Variants in GOLGA2 observed in about 807,000 individuals in gnomAD.
The protein encoded by GOLGA2 is golgin A2, also known as golgin subfamily A member 2.
In GOLGA2, 49 loss-of-function variants were observed where a neutral mutation model predicts 148.8. The observed-to-expected ratio is 0.33, with a 90% CI of 0.26 to 0.42. The LOEUF is 0.42. Among genes scored for constraint, GOLGA2 ranks in the 10% least tolerant of loss-of-function variants. The probability of loss-of-function intolerance (pLI) is 1.00; values close to 1 mark genes in which losing one functional copy is unlikely to be tolerated. For missense variants in GOLGA2, 1,178 were observed against 1,304.6 expected, an observed-to-expected ratio of 0.90 and a Z score of 1.49; for synonymous variants, 501 against 511.8, an observed-to-expected ratio of 0.98 and a Z score of 0.28.
chr9:128,265,210 G>A (rs978610426), intron 12 of GOLGA2, among the ~76,000 whole-genome samples: 3 of 152,144 alleles, frequency 2.0e-5, no homozygotes, highest in African/African-American at 7.2e-5. Flanking sequence ...ATAGTACATA[G>A]GTACACATAC....
chr9:128,258,676 G>A lies in GOLGA2; in HGVS notation c.2174-106C>T, dbSNP rs1295241576. 4 of 759,900 alleles carry A rather than the reference G, an allele frequency of 5.3e-6. No individual in the cohort carries two copies. The highest frequency in any genetic ancestry group is 8.5e-6 in the Non-Finnish European group (4 of 469,470). The allele number at this position is 759,900 out of a possible 1,614,324, so 47.1% of individuals were successfully genotyped here. On this transcript the variant is annotated intron_variant, in intron 21 of 26. Transcript: ENST00000611957. The surrounding 1 kb of genome is among the most constrained non-coding windows in gnomAD (Gnocchi z 6.6). ...AACCCTGGGCCAGCCCCTCCCCAGA[G>A]GGAAATAAGCATCTGTTCTTTATTT...
rs1830914109 is a variant in GOLGA2, at chr9:128,271,082, T to C, written c.288+1703A>G. Among the ~76,000 whole-genome samples, 1 of 152,010 alleles carries C rather than the reference T, an allele frequency of 6.6e-6. No homozygotes were observed. Among genetic ancestry groups the C allele is most frequent in the Non-Finnish European group, 1.5e-5 (1 of 67,990 alleles). ...AAACAGCAAGAAGGAAATACGGGGA[T>C]CTAGGCCTTTGTTTCCAGAATAGAG... On this transcript the variant is annotated intron_variant, in intron 3 of 26. Coordinates refer to ENST00000611957, the MANE Select transcript of GOLGA2 (RefSeq NM_001366244.2). The surrounding 1 kb of genome is among the most constrained non-coding windows in gnomAD (Gnocchi z 4.4).
Position 128,257,944 on chromosome 9 carries a change from A to G in GOLGA2, c.2508+36T>C. On this transcript the variant is annotated intron_variant, in intron 23 of 26. Transcript: ENST00000611957. This position sits in a 1 kb window ranked among gnomAD's most constrained non-coding sequence, Gnocchi z 8.0. ...ATCGGCAGCGACCTGCCCCGCCCCC[A>G]CCCTTCTTGACCCATGCCAGGAGAG... 1 of 1,223,860 alleles carries G rather than the reference A, an allele frequency of 8.2e-7. No individual in the cohort carries two copies. The highest frequency in any genetic ancestry group is 2.7e-5 in the East Asian group (1 of 37,306). 75.8% of individuals were successfully genotyped at this position (1,223,860 alleles called of 1,614,324 possible). A position where few individuals can be genotyped will look rare whatever the true frequency, so the allele number is the denominator to read the frequency against.
chr9:128,261,442 G>A lies in GOLGA2; in HGVS notation c.1332+12C>T, dbSNP rs771881593. 1.9e-5 allele frequency: 28 copies of A among 1,488,766 alleles called. No individual in the cohort carries two copies. Among genetic ancestry groups the A allele is most frequent in the Non-Finnish European group, 2.6e-5 (28 of 1,065,560 alleles). 92.2% of individuals were successfully genotyped at this position (1,488,766 alleles called of 1,614,324 possible). ...TCTAAGGTTGAGGGGGAGCTGAAGG[G>A]TCAGGTCTCACCTGCTCTGACATCT... On this transcript the variant is annotated intron_variant, in intron 16 of 26. Coordinates refer to ENST00000611957, the MANE Select transcript of GOLGA2 (RefSeq NM_001366244.2). The surrounding 1 kb of genome is among the most constrained non-coding windows in gnomAD (Gnocchi z 5.7).
chr9:128,259,294 G>C lies in GOLGA2; in HGVS notation c.1970C>G (p.Thr657Ser). 6.2e-7 allele frequency: 1 copy of C among 1,611,738 alleles called. No homozygotes were observed. Residue 657 changes from threonine to serine, a missense_variant, in exon 20 of 27, where the codon ACC (threonine) becomes AGC (serine). Transcript: ENST00000611957. ...QQYVAAYQQL[T>S]SEKEVLHNQL... Reference sequence around the variant, plus strand: ...ATTATGCAGCACCTCCTTCTCAGAGGTCAGCTGCTGATAGGCGGCCACATA... The same window carrying C: ...ATTATGCAGCACCTCCTTCTCAGAGCTCAGCTGCTGATAGGCGGCCACATA...
intron 1 of GOLGA2, 137 bp from the exon 2 acceptor site, chr9:128,274,109 A>G (rs1020943393): frequency 1.2e-6 from 1 of 816,390 alleles, no homozygotes; most frequent in Non-Finnish European, 2.0e-6. Context: ...TCTTGTCACA[A>G]TCACTTAGTG....
rs1830019848 is a variant in GOLGA2, at chr9:128,258,159, C to T, written c.2329G>A (p.Glu777Lys). 3.1e-6 allele frequency: 5 copies of T among 1,605,152 alleles called. No homozygotes were observed. Among genetic ancestry groups the T allele is most frequent in the Non-Finnish European group, 4.2e-6 (5 of 1,177,924 alleles). Residue 777 changes from glutamate to lysine, a missense_variant, in exon 23 of 27, where the codon GAG becomes AAG. Physicochemically the swap from Glu to Lys is moderately conservative, Grantham distance 56 (BLOSUM62 1). Coordinates refer to ENST00000611957, the MANE Select transcript of GOLGA2 (RefSeq NM_001366244.2). This position sits in a 1 kb window ranked among gnomAD's most constrained non-coding sequence, Gnocchi z 6.6. ...AGCTGCCCACGTAGCCTTGCCTGCT[C>T]CTCCTCGGCACTGGCTACAGCTGAG... ...FNSAVASAEEEQARLRGQLKE... is the reference protein window; with the variant it reads ...FNSAVASAEEKQARLRGQLKE...
intron 1 of GOLGA2, 94 bp downstream of exon 1, chr9:128,275,799 G>A: frequency 2.9e-6 from 2 of 690,260 alleles, no homozygotes; most frequent in Non-Finnish European, 4.8e-6. Flanking sequence ...GCCCAGCCCG[G>A]TGTGCCTCAG....
chr9:128,262,947 A>G (rs1830361761), intron 13 of GOLGA2, 87 bp downstream of exon 13: 3 of 956,094 alleles, frequency 3.1e-6, no homozygotes, highest in South Asian at 2.6e-5. Flanking sequence ...TGACTACCTC[A>G]TCATGCTTAC....
Position 128,258,299 on chromosome 9 carries a change from T to G in GOLGA2, c.2290-101A>C, listed in dbSNP as rs1830031658. 2.6e-6 allele frequency: 3 copies of G among 1,144,150 alleles called. No homozygotes were observed. Among genetic ancestry groups the G allele is most frequent in the Non-Finnish European group, 3.8e-6 (3 of 783,918 alleles). The allele number at this position is 1,144,150 out of a possible 1,614,324, so 70.9% of individuals were successfully genotyped here. A position where few individuals can be genotyped will look rare whatever the true frequency, so the allele number is the denominator to read the frequency against. On this transcript the variant is annotated intron_variant, in intron 22 of 26. Coordinates refer to ENST00000611957, the MANE Select transcript of GOLGA2 (RefSeq NM_001366244.2). The surrounding 1 kb of genome is among the most constrained non-coding windows in gnomAD (Gnocchi z 6.6). ...CCCTTGGGGCCTCAGAGGGTGCACT[T>G]GTTGGTCCCAAGTGAAATGGTGTCT... is the stretch of plus-strand genomic sequence containing the variant.
chr9:128,270,818 G>A (rs934471178), intron 3 of GOLGA2, among the ~76,000 whole-genome samples: 1 of 152,174 alleles, frequency 6.6e-6, no homozygotes, highest in African/African-American at 2.4e-5. Context: ...GGCCAAGGCA[G>A]GTGAATCACT....
rs1213224754 is a variant in GOLGA2, at chr9:128,265,622, A to G, written c.896T>C (p.Leu299Pro). The G allele has an allele frequency of 1.9e-6, 3 of 1,613,642 alleles. No homozygotes were observed. Among genetic ancestry groups the G allele is most frequent in the Non-Finnish European group, 2.5e-6 (3 of 1,179,932 alleles). Residue 299 changes from leucine to proline, a missense_variant, in exon 12 of 27, where the codon CTC (leucine) becomes CCC (proline). By Grantham distance (98) the Leu-to-Pro change is moderately conservative. Coordinates refer to ENST00000611957, the MANE Select transcript of GOLGA2 (RefSeq NM_001366244.2). ...CTTCTGCTGCGTGGAGACAGCAGAG[A>G]GAGCCCGCTCCAACTCTCCCACACG... ...RRRVGELERA[L>P]SAVSTQQKKA...
chr9:128,271,239 C>A lies in GOLGA2; in HGVS notation c.288+1546G>T, dbSNP rs73672483. The stretch of plus-strand genomic sequence containing the variant: ...CACCTCTAAGCCTGTGCTCCCCAGC[C>A]GTACCACTCAGCGTCTCCTCTGAGC... On this transcript the variant is annotated intron_variant, in intron 3 of 26. Transcript: ENST00000611957. The surrounding 1 kb of genome is among the most constrained non-coding windows in gnomAD (Gnocchi z 4.4). 0.028 allele frequency among the ~76,000 whole-genome samples: 4,336 copies of A among 152,206 alleles called. 168 individuals carry two copies. Among genetic ancestry groups the A allele is most frequent in the African/African-American group, 0.099 (4,128 of 41,496 alleles).
chr9:128,268,662 G>T (rs1302090715), intron 3 of GOLGA2, 138 bp from the exon 4 acceptor site: 5 of 613,160 alleles, frequency 8.2e-6, no homozygotes, highest in Non-Finnish European at 1.5e-5. Flanking sequence ...AGCCACTCAG[G>T]GGTGTGGATT....
chr9:128,261,735 G>A lies in GOLGA2; in HGVS notation c.1157C>T (p.Pro386Leu), dbSNP rs747432829. ...LQQFSSRCEA[P>L]DANQQLQQAM... ...CTGCTGTAACTGCTGGTTAGCATCA[G>A]GGGCTTCACACCGGCTTGAAAACTG... The change falls in exon 15 of 27, where the codon CCT becomes CTT. Residue 386 changes from proline (P) to leucine (L), a missense_variant. Transcript: ENST00000611957. The surrounding 1 kb of genome is among the most constrained non-coding windows in gnomAD (Gnocchi z 5.7). 1.9e-6 allele frequency: 3 copies of A among 1,612,846 alleles called. No homozygotes were observed. The highest frequency in any genetic ancestry group is 2.5e-6 in the Non-Finnish European group (3 of 1,178,818).
intron 4 of GOLGA2, 104 bp downstream of exon 4, chr9:128,268,316 C>G (rs1002645666): frequency 2.8e-5 from 28 of 1,015,468 alleles, no homozygotes; most frequent in Non-Finnish European, 4.4e-5. Context: ...GGCCCGGTCC[C>G]CAGGAAGGGC....
At position 128,258,224 on chromosome 9, in the gene GOLGA2, G is replaced by C. The variant is rs1329109219; in HGVS notation, c.2290-26C>G. The C allele has an allele frequency of 6.6e-7, 1 of 1,525,048 alleles. No homozygotes were observed. Among genetic ancestry groups the C allele is most frequent in the East Asian group, 2.4e-5 (1 of 42,482 alleles). 94.5% of individuals were successfully genotyped at this position (1,525,048 alleles called of 1,614,324 possible). On this transcript the variant is annotated intron_variant, in intron 22 of 26. Coordinates refer to ENST00000611957, the MANE Select transcript of GOLGA2 (RefSeq NM_001366244.2). The surrounding 1 kb of genome is among the most constrained non-coding windows in gnomAD (Gnocchi z 6.6). The stretch of plus-strand genomic sequence containing the variant: ...CTGCAGGCAAGAGGGGTGCATTCTT[G>C]TAGGAGGATATATAGGATGAACAGG...
At position 128,260,505 on chromosome 9, in the gene GOLGA2, T is replaced by C. The variant is rs139758508; in HGVS notation, c.1718A>G (p.Lys573Arg). 3.2e-4 allele frequency: 513 copies of C among 1,612,850 alleles called. 3 individuals are homozygous for C. Among genetic ancestry groups the C allele is most frequent in the Non-Finnish European group, 5.9e-5 (70 of 1,179,500 alleles). ...SRALSQNREL[K>R]EQLAELQSGF... is the part of the protein sequence containing the mutation. ...GCTCTGCAGCTCAGCCAGCTGCTCC[T>C]TGAGCTCCCGGTTCTGGGAGAGTGC... Residue 573 changes from lysine (K) to arginine (R), a missense_variant, in exon 18 of 27, where the codon AAG becomes AGG. By Grantham distance (26) the Lys-to-Arg change is conservative (BLOSUM62 2). Around this residue, in one of 5 missense-constraint regions of GOLGA2, gnomAD observed 529 missense variants for 521.8 expected, o/e 1.01. Transcript: ENST00000611957. This position sits in a 1 kb window ranked among gnomAD's most constrained non-coding sequence, Gnocchi z 4.8.
Position 128,257,921 on chromosome 9 carries a change from C to T in GOLGA2, c.2509-29G>A, listed in dbSNP as rs370467037. 1.6e-5 allele frequency: 26 copies of T among 1,609,814 alleles called. No individual in the cohort carries two copies. The highest frequency in any genetic ancestry group is 9.4e-5 in the African/African-American group (7 of 74,832). Reference sequence around the variant, plus strand: ...GAACCAAAATAATGGAGTCATATATCGGCAGCGACCTGCCCCGCCCCCACC... The same window carrying T: ...GAACCAAAATAATGGAGTCATATATTGGCAGCGACCTGCCCCGCCCCCACC... On this transcript the variant is annotated intron_variant, in intron 23 of 26. Coordinates refer to ENST00000611957, the MANE Select transcript of GOLGA2 (RefSeq NM_001366244.2). This position sits in a 1 kb window ranked among gnomAD's most constrained non-coding sequence, Gnocchi z 8.0.
Sources: gnomAD v4.1 joint callset for allele counts (sites outside exome capture counted in the v4.1 genomes callset) on GRCh38, gnomAD v4.1.1 for gene constraint, gnomAD v4.1.1 regional missense constraint, Gnocchi (gnomAD v3.1) non-coding constraint, MANE v1.5 for transcripts, NCBI Gene and HGNC (gene_info 2026-07-23, HGNC 2026-07-21) for gene names.